ARHGAP28: variants seen among roughly 807,000 people sequenced by gnomAD.
ARHGAP28 encodes Rho GTPase activating protein 28.
Under a neutral mutation model 90.7 loss-of-function variants are expected in ARHGAP28, and 56 were observed. The ratio of observed to expected loss-of-function variants is 0.62; its 90% CI spans 0.50 to 0.77. The LOEUF is 0.77. Ranked by LOEUF, ARHGAP28 falls within the 30% of genes least tolerant of loss-of-function variation. The pLI is 0.00. For missense variants in ARHGAP28, 869 were observed against 900.9 expected, an observed-to-expected ratio of 0.96 and a Z score of 0.45; for synonymous variants, 308 against 323.3, an observed-to-expected ratio of 0.95 and a Z score of 0.51.
chr18:6,879,792 CATG>C (rs2057163014), intron 10 of ARHGAP28, among the ~76,000 whole-genome samples: 1 of 152,202 alleles, frequency 6.6e-6, no homozygotes, highest in Admixed American at 6.5e-5. Context: ...GTGAGCTCTA[CATG>C]ATATTATTTG....
chr18:6,825,846 C>T (rs1412936900), intron 2 of ARHGAP28, among the ~76,000 whole-genome samples: 2 of 152,134 alleles, frequency 1.3e-5, no homozygotes, highest in Non-Finnish European at 2.9e-5. Context: ...TTTCTTTATC[C>T]AGTCCTCCAA....
intron 1 of ARHGAP28, among the ~76,000 whole-genome samples, chr18:6,738,537 C>T (rs1356101456): frequency 6.6e-6 from 1 of 152,002 alleles, no homozygotes; most frequent in Non-Finnish European, 1.5e-5. Context: ...TACAAAGGCC[C>T]ATCAATTATT....
chr18:6,885,870 A>T (rs548054542), intron 11 of ARHGAP28, among the ~76,000 whole-genome samples: 12 of 151,186 alleles, frequency 7.9e-5, no homozygotes, highest in South Asian at 2.1e-4. Flanking sequence ...ATGCACTAAC[A>T]TTATGTCTTG....
chr18:6,889,751 G>T (rs1299966075), intron 12 of ARHGAP28, 137 bp from the exon 13 acceptor site: 2 of 755,156 alleles, frequency 2.6e-6, no homozygotes, highest in East Asian at 5.3e-5. Context: ...AGTTAGAGGG[G>T]AAACATGGTA....
intron 1 of ARHGAP28, among the ~76,000 whole-genome samples, chr18:6,767,307 A>G (rs1235632806): frequency 6.6e-6 from 1 of 152,116 alleles, no homozygotes; most frequent in African/African-American, 2.4e-5. Context: ...ATAAACCTTA[A>G]AATACATTAT....
chr18:6,858,498 G>C (rs553537834), intron 4 of ARHGAP28, among the ~76,000 whole-genome samples: 1 of 151,716 alleles, frequency 6.6e-6, no homozygotes, highest in African/African-American at 2.4e-5. Flanking sequence ...TAGTTATTTG[G>C]GTGGCAGGGG....
intron 3 of ARHGAP28, among the ~76,000 whole-genome samples, chr18:6,844,385 G>C (rs1245273414): frequency 6.6e-6 from 1 of 152,154 alleles, no homozygotes; most frequent in African/African-American, 2.4e-5. Context: ...CAACAGACTG[G>C]ATTTGGGGTG....
At position 6,841,167 on chromosome 18, in the gene ARHGAP28, C is replaced by CCTCTCTCTCTCTCCT. The variant is rs1214817180; in HGVS notation, c.543+3767_543+3781dup. ...CTGTCTCTCTCCTCTTTCTCTCTCT[C>CCTCTCTCTCTCTCCT]CTCTCTCTCTCTCCTCTCTCTCTCT... On this transcript the variant is annotated intron_variant, in intron 3 of 17. Transcript: ENST00000383472. Among the ~76,000 whole-genome samples, 291 of 79,944 alleles carry CCTCTCTCTCTCTCCT rather than the reference C, an allele frequency of 3.6e-3. 3 individuals carry two copies. The highest frequency in any genetic ancestry group is 5.4e-3 in the Non-Finnish European group (206 of 38,096). 52.4% of individuals were successfully genotyped at this position (79,944 alleles called of 152,430 possible).
chr18:6,840,684 C>T (rs549048837), intron 3 of ARHGAP28, among the ~76,000 whole-genome samples: 1 of 152,210 alleles, frequency 6.6e-6, no homozygotes, highest in Admixed American at 6.5e-5. Context: ...CCTCCCAGTC[C>T]TGCTGCTGAA....
intron 3 of ARHGAP28, among the ~76,000 whole-genome samples, chr18:6,840,149 C>T (rs8095228): frequency 0.11 from 17,310 of 152,152 alleles, 1,113 homozygotes; most frequent in East Asian, 0.27. Context: ...TTTGCTATTA[C>T]TGTAAATAAA....
chr18:6,915,389 A>T lies in ARHGAP28; in HGVS notation c.*3235A>T, dbSNP rs1278562038. On this transcript the variant is annotated 3_prime_UTR_variant, in exon 18 of 18. Coordinates refer to ENST00000383472, the MANE Select transcript of ARHGAP28 (RefSeq NM_001366230.1). Reference sequence around the variant, plus strand: ...GCCTTAAAAGACTTTATGTTAAAGGATTAAATAGTTTCTCTGACAGGCAGT... The same window carrying T: ...GCCTTAAAAGACTTTATGTTAAAGGTTTAAATAGTTTCTCTGACAGGCAGT... The T allele has an allele frequency of 6.6e-6, 1 of 152,232 alleles. No individual in the cohort carries two copies. Among genetic ancestry groups the T allele is most frequent in the African/African-American group, 2.4e-5 (1 of 41,458 alleles). The allele number at this position is 152,232 out of a possible 1,614,324, so 9.4% of individuals were successfully genotyped here.
intron 9 of ARHGAP28, among the ~76,000 whole-genome samples, chr18:6,875,726 C>G (rs964614419): frequency 2.0e-5 from 3 of 152,130 alleles, no homozygotes; most frequent in African/African-American, 4.8e-5. Context: ...TCTAGAATTC[C>G]TATAGTTTCT....
intron 1 of ARHGAP28, among the ~76,000 whole-genome samples, chr18:6,745,348 C>CT (rs1292949498): frequency 6.6e-6 from 1 of 152,070 alleles, no homozygotes; most frequent in African/African-American, 2.4e-5. Context: ...TCTTCTTCAC[C>CT]TTTCTATCTT....
chr18:6,805,088 T>C (rs2056508406), intron 1 of ARHGAP28, among the ~76,000 whole-genome samples: 1 of 152,174 alleles, frequency 6.6e-6, no homozygotes, highest in South Asian at 2.1e-4. Context: ...GTCTCCTGAA[T>C]AGCCAGAACT....
At chr18:6,833,578 A>G (rs944755833) in intron 2 of ARHGAP28, among the ~76,000 whole-genome samples, 4 of 152,034 alleles carry the variant, frequency 2.6e-5, no homozygotes, top group African/African-American at 9.7e-5. Context: ...GGTTTGTCTG[A>G]TGTTTCCCAA....
rs74583105 is a variant in ARHGAP28 at position 6,823,941 on chromosome 18, T to G, written c.123-821T>G. ...ATTTTTTGAGGAACTTCCATACTGT[T>G]TTCCATAGAAAGCTGCCCCATTTTA... On this transcript the variant is annotated intron_variant, in intron 1 of 17. Transcript: ENST00000383472. 1.1e-3 allele frequency among the ~76,000 whole-genome samples: 161 copies of G among 152,186 alleles called. 2 individuals are homozygous for G. Among genetic ancestry groups the G allele is most frequent in the African/African-American group, 3.8e-3 (159 of 41,522 alleles).
At chr18:6,754,115 A>T (rs560983195) in intron 1 of ARHGAP28, among the ~76,000 whole-genome samples, 36 of 152,346 alleles carry the variant, frequency 2.4e-4, no homozygotes, top group African/African-American at 8.2e-4. Flanking sequence ...ACATTATCGT[A>T]GAGTGGAATA....
intron 3 of ARHGAP28, among the ~76,000 whole-genome samples, chr18:6,838,516 G>A (rs115736675): frequency 0.014 from 2,084 of 152,258 alleles, 48 homozygotes; most frequent in African/African-American, 0.047. Context: ...GAATAGCACT[G>A]TCCTTTAGAA....
At chr18:6,776,763 G>T (rs949375962) in intron 1 of ARHGAP28, among the ~76,000 whole-genome samples, 5 of 152,128 alleles carry the variant, frequency 3.3e-5, no homozygotes, top group Non-Finnish European at 7.3e-5. Context: ...TTCAGTCGGT[G>T]GTAGATCGGA....
Sources: gnomAD v4.1 joint callset for allele counts (sites outside exome capture counted in the v4.1 genomes callset) on GRCh38, gnomAD v4.1.1 for gene constraint, MANE v1.5 for transcripts, NCBI Gene and HGNC (gene_info 2026-07-23, HGNC 2026-07-21) for gene names.